The following PLB1 variants were observed in gnomAD, a reference collection of about 807,000 sequenced individuals.
PLB1 encodes the protein phospholipase B1, also known as phospholipase B1, membrane-associated.
PLB1 carries 242 observed loss-of-function variants against 227.4 expected under a neutral mutation model. The observed-to-expected ratio is 1.06, with a 90% CI of 0.96 to 1.18. The LOEUF is 1.18. Ranked by LOEUF, PLB1 falls within the 50% of genes most tolerant of loss-of-function variation. The pLI, the probability that PLB1 is intolerant of heterozygous loss-of-function variation, is 0.00. For synonymous variants in PLB1, 757 were observed against 682.2 expected, an observed-to-expected ratio of 1.11 and a Z score of -1.71; for missense variants, 1,858 against 1,816.3, an observed-to-expected ratio of 1.02 and a Z score of -0.42.
chr2:28,501,184 C>T (rs1387954939), intron 1 of PLB1, among the ~76,000 whole-genome samples: 3 of 152,062 alleles, frequency 2.0e-5, no homozygotes, highest in Non-Finnish European at 2.9e-5. Flanking sequence ...TTTTCATCTC[C>T]TTCTTTCATT....
chr2:28,533,887 G>C (rs1671338110), intron 9 of PLB1, among the ~76,000 whole-genome samples: 1 of 152,056 alleles, frequency 6.6e-6, no homozygotes, highest in Non-Finnish European at 1.5e-5. Context: ...CATGTTATTT[G>C]TATTTTTAGT....
At chr2:28,579,751 G>T in intron 23 of PLB1, 44 bp downstream of exon 23, 1 of 1,505,746 alleles carries the variant, frequency 6.6e-7, no homozygotes, top group South Asian at 1.1e-5. Flanking sequence ...CCCAGAGAAG[G>T]ATTTTCACAG....
At chr2:28,612,396 T>C (rs1260583528) in intron 43 of PLB1, among the ~76,000 whole-genome samples, 1 of 152,076 alleles carries the variant, frequency 6.6e-6, no homozygotes, top group East Asian at 1.9e-4. Context: ...AAGAGGCTTG[T>C]CCAGTCAGCT....
At chr2:28,575,142 A>C (rs1444291835) in intron 21 of PLB1, among the ~76,000 whole-genome samples, 1 of 152,174 alleles carries the variant, frequency 6.6e-6, no homozygotes, top group East Asian at 1.9e-4. Flanking sequence ...GCAGTGTAAA[A>C]GTGTTCCCTT....
At chr2:28,612,563 T>C (rs942281582) in intron 43 of PLB1, among the ~76,000 whole-genome samples, 1 of 151,730 alleles carries the variant, frequency 6.6e-6, no homozygotes, top group Admixed American at 6.6e-5. Context: ...TGCGTACATG[T>C]GGTCAGGTAT....
rs757095619 is a variant in PLB1, at chr2:28,620,261, A to G, written c.3316-4A>G. On this transcript the variant is annotated splice_region_variant and splice_polypyrimidine_tract_variant and intron_variant, in intron 46 of 57. Coordinates refer to ENST00000327757, the MANE Select transcript of PLB1 (RefSeq NM_153021.5). ...GCCCTGAACTTTCTTTTTGCTTTTTACAGACAGCAGTGGGAGCTCGACCAA... is the reference window on the plus strand; with the variant it reads ...GCCCTGAACTTTCTTTTTGCTTTTTGCAGACAGCAGTGGGAGCTCGACCAA... 52 of 1,590,810 alleles carry G rather than the reference A, an allele frequency of 3.3e-5. No homozygotes were observed. The Middle Eastern group carries it at 1.2e-3, about 36-fold the overall frequency.
chr2:28,573,322 G>C lies in PLB1; in HGVS notation c.1433+17G>C. The C allele has an allele frequency of 6.3e-7, 1 of 1,584,746 alleles. No homozygotes were observed. The highest frequency in any genetic ancestry group is 8.7e-7 in the Non-Finnish European group (1 of 1,154,286). On this transcript the variant is annotated intron_variant, in intron 21 of 57. Transcript: ENST00000327757. The stretch of plus-strand genomic sequence containing the variant: ...CCGAGCTGAGTAAGCAGGGGTGACC[G>C]GGGCGGTGAACAGCACAGGTCCTCT...
chr2:28,557,026 G>A (rs576751687), intron 17 of PLB1, among the ~76,000 whole-genome samples: 20 of 152,048 alleles, frequency 1.3e-4, no homozygotes, highest in South Asian at 8.3e-4. Context: ...TCATGAGGCC[G>A]TCTCTGTGGT....
At chr2:28,572,990 A>G (rs951638908) in intron 20 of PLB1, among the ~76,000 whole-genome samples, 1 of 152,224 alleles carries the variant, frequency 6.6e-6, no homozygotes, top group African/African-American at 2.4e-5. Context: ...CATTTCTTCA[A>G]CAATAATTGA....
chr2:28,582,678 T>C (rs1369406871), intron 25 of PLB1, among the ~76,000 whole-genome samples, 173 bp downstream of exon 25: 1 of 152,158 alleles, frequency 6.6e-6, no homozygotes, highest in Non-Finnish European at 1.5e-5. Context: ...TTTTCCACCC[T>C]GGTGTAGGCC....
chr2:28,603,884 C>T (rs1372452774), intron 39 of PLB1, 82 bp from the exon 40 acceptor site: 2 of 1,337,196 alleles, frequency 1.5e-6, no homozygotes, highest in African/African-American at 1.4e-5. Context: ...CTCTCCACCC[C>T]TCCCCTGAAC....
intron 54 of PLB1, 113 bp from the exon 55 acceptor site, chr2:28,631,923 C>T (rs1688682832): frequency 3.7e-6 from 3 of 819,404 alleles, no homozygotes; most frequent in South Asian, 1.5e-5. Flanking sequence ...CTTAAAGTCA[C>T]TGTCCTTTAG....
chr2:28,528,668 C>T (rs944978207), intron 6 of PLB1, among the ~76,000 whole-genome samples: 4 of 152,232 alleles, frequency 2.6e-5, no homozygotes, highest in African/African-American at 9.6e-5. Context: ...TCAGTTTTCC[C>T]TTTCTCTAAC....
intron 6 of PLB1, among the ~76,000 whole-genome samples, chr2:28,527,424 C>T (rs563553479): frequency 1.3e-5 from 2 of 152,272 alleles, no homozygotes; most frequent in Admixed American, 6.5e-5. Context: ...GCAGGTCTTC[C>T]CAGAAGAAAG....
rs774764014 is a variant in PLB1, at chr2:28,598,634, A to G, written c.2366-18A>G. On this transcript the variant is annotated intron_variant, in intron 34 of 57. Transcript: ENST00000327757. ...TTCTGTTCTGAGCCGTCTGCATCCC[A>G]TTCACCTTCTCTTCCAGATATCCTT... The G allele has an allele frequency of 6.3e-7, 1 of 1,599,096 alleles. No individual in the cohort carries two copies. Among genetic ancestry groups the G allele is most frequent in the South Asian group, 1.1e-5 (1 of 90,764 alleles).
At chr2:28,580,241 C>G (rs1372562689) in intron 23 of PLB1, among the ~76,000 whole-genome samples, 2 of 152,198 alleles carry the variant, frequency 1.3e-5, no homozygotes, top group Non-Finnish European at 2.9e-5. Context: ...CAGGGCATAC[C>G]CACTAGTCTC....
intron 1 of PLB1, among the ~76,000 whole-genome samples, chr2:28,511,134 T>TA (rs1668211694): frequency 6.6e-6 from 1 of 152,210 alleles, no homozygotes; most frequent in Admixed American, 6.5e-5. Context: ...TATAACAGTT[T>TA]AACTCCATTT....
chr2:28,583,992 C>T (rs1680493414), intron 25 of PLB1, among the ~76,000 whole-genome samples: 1 of 152,212 alleles, frequency 6.6e-6, no homozygotes, highest in African/African-American at 2.4e-5. Flanking sequence ...CCGCAGCCTT[C>T]CTTCCTGCAG....
In PLB1 at chr2:28,554,489, CTTTTTTTT is replaced by C. The variant is rs536476788; in HGVS notation, c.1147+1520_1147+1527del. Among the ~76,000 whole-genome samples, 66 of 85,472 alleles carry C rather than the reference CTTTTTTTT, an allele frequency of 7.7e-4. 1 individual carries two copies. Among genetic ancestry groups the C allele is most frequent in the African/African-American group, 2.6e-3 (49 of 18,764 alleles). The allele number at this position is 85,472 out of a possible 152,430, so 56.1% of individuals were successfully genotyped here. A position where few individuals can be genotyped will look rare whatever the true frequency, so the allele number is the denominator to read the frequency against. On this transcript the variant is annotated intron_variant, in intron 17 of 57. Coordinates refer to ENST00000327757, the MANE Select transcript of PLB1 (RefSeq NM_153021.5). ...CTACAGGCATTATCACCACACCTGCCTTTTTTTTTTTTTTTTTTTTTTTTTTTTTAAGA... is the reference window on the plus strand; with the variant it reads ...CTACAGGCATTATCACCACACCTGCCTTTTTTTTTTTTTTTTTTTTTAAGA...
Sources: gnomAD v4.1 joint callset for allele counts (sites outside exome capture counted in the v4.1 genomes callset) on GRCh38, gnomAD v4.1.1 for gene constraint, MANE v1.5 for transcripts, NCBI Gene and HGNC (gene_info 2026-07-23, HGNC 2026-07-21) for gene names.